Variants in GALNT13 observed in about 807,000 individuals in gnomAD.
The protein encoded by GALNT13 is UDP-GalNAc:polypeptide N-acetylgalactosaminyltransferase 13.
In GALNT13, 28 loss-of-function variants were observed where a neutral mutation model predicts 64.2. The ratio of observed to expected loss-of-function variants is 0.44; its 90% CI spans 0.32 to 0.60. GALNT13 has a LOEUF of 0.60. Among genes scored for constraint, GALNT13 ranks in the 20% least tolerant of loss-of-function variants. The pLI, the probability that GALNT13 is intolerant of heterozygous loss-of-function variation, is 0.05. For synonymous variants in GALNT13, 214 were observed against 224.6 expected (o/e 0.95, Z 0.42); for missense variants, 577 against 669.8 (o/e 0.86, Z 1.53).
chr2:154,075,288 T>C (rs539970989), intron 3 of GALNT13, among the ~76,000 whole-genome samples: 2 of 151,952 alleles, frequency 1.3e-5, no homozygotes, highest in East Asian at 3.9e-4. Flanking sequence ...AAAAAGATAC[T>C]GTCAAAACAA....
chr2:154,370,870 A>G (rs1479573396), intron 9 of GALNT13, among the ~76,000 whole-genome samples: 1 of 152,142 alleles, frequency 6.6e-6, no homozygotes. Context: ...AGTTTCCATT[A>G]AAACAAAAGA....
At chr2:154,366,611 A>G (rs1574170635) in intron 9 of GALNT13, among the ~76,000 whole-genome samples, 1 of 152,216 alleles carries the variant, frequency 6.6e-6, no homozygotes, top group Non-Finnish European at 1.5e-5. Flanking sequence ...TGTATTATAC[A>G]TGTCACGACT....
chr2:153,749,454 T>C, the GALNT13 span, among the ~76,000 whole-genome samples: 3 of 152,058 alleles, frequency 2.0e-5, no homozygotes, highest in Non-Finnish European at 4.4e-5. Flanking sequence ...CAATATTCAT[T>C]CTTCCAATCT....
At chr2:153,221,866 G>T in the GALNT13 span, among the ~76,000 whole-genome samples, 1 of 152,208 alleles carries the variant, frequency 6.6e-6, no homozygotes, top group African/African-American at 2.4e-5. Flanking sequence ...TGAAGGGAAT[G>T]CAGTGGCACC....
chr2:154,352,140 T>C (rs1696446139), intron 9 of GALNT13, among the ~76,000 whole-genome samples: 1 of 152,226 alleles, frequency 6.6e-6, no homozygotes, highest in Admixed American at 6.5e-5. Flanking sequence ...AAAAAATTAG[T>C]ATCCCTTTTA....
chr2:153,294,015 T>C, the GALNT13 span, among the ~76,000 whole-genome samples: 2 of 152,004 alleles, frequency 1.3e-5, no homozygotes, highest in African/African-American at 4.8e-5. Context: ...AGAGATGAGG[T>C]TTCACCATGT....
the GALNT13 span, among the ~76,000 whole-genome samples, chr2:153,861,559 C>CTTTTTTTTTTTTTTTTTTT: frequency 5.4e-4 from 64 of 118,162 alleles, no homozygotes; most frequent in East Asian, 4.5e-3. Flanking sequence ...TTCTTTCTTT[C>CTTTTTTTTTTTTTTTTTTT]TTTTTTTTTT....
At chr2:153,670,437 A>G in the GALNT13 span, among the ~76,000 whole-genome samples, 12 of 152,328 alleles carry the variant, frequency 7.9e-5, no homozygotes, top group African/African-American at 2.9e-4. Flanking sequence ...AGCAAACTCC[A>G]ACAGACCTGC....
At chr2:153,237,351 A>G in the GALNT13 span, among the ~76,000 whole-genome samples, 1 of 152,020 alleles carries the variant, frequency 6.6e-6, no homozygotes, top group Non-Finnish European at 1.5e-5. Context: ...GAAACAATCC[A>G]GTCATCTTTT....
At chr2:153,418,528 G>A in the GALNT13 span, among the ~76,000 whole-genome samples, 1 of 152,170 alleles carries the variant, frequency 6.6e-6, no homozygotes, top group Admixed American at 6.5e-5. Context: ...CAAGAAGGAA[G>A]TAGAATAATG....
At chr2:153,849,884 G>A in the GALNT13 span, among the ~76,000 whole-genome samples, 4 of 151,824 alleles carry the variant, frequency 2.6e-5, no homozygotes, top group Non-Finnish European at 5.9e-5. Context: ...AAGAAAGGCC[G>A]GGCGTGGTGG....
At chr2:153,243,981 A>C in the GALNT13 span, among the ~76,000 whole-genome samples, 1 of 151,966 alleles carries the variant, frequency 6.6e-6, no homozygotes, top group Admixed American at 6.5e-5. Flanking sequence ...TTTATTAAAA[A>C]CTAGCATTAT....
chr2:153,097,997 C>T, the GALNT13 span, among the ~76,000 whole-genome samples: 19 of 152,204 alleles, frequency 1.2e-4, no homozygotes, highest in African/African-American at 2.9e-4. Context: ...ACCCAGGAAG[C>T]GGAGATTGCA....
At chr2:153,482,719 C>T in the GALNT13 span, among the ~76,000 whole-genome samples, 1 of 151,926 alleles carries the variant, frequency 6.6e-6, no homozygotes, top group Non-Finnish European at 1.5e-5. Context: ...GATCAGCCTG[C>T]CTTGGCCTCC....
the GALNT13 span, among the ~76,000 whole-genome samples, chr2:153,696,675 T>G: frequency 6.6e-6 from 1 of 152,180 alleles, no homozygotes. Flanking sequence ...CTCTTCTCTA[T>G]CAATCAAAAT....
At chr2:153,286,169 A>G in the GALNT13 span, among the ~76,000 whole-genome samples, 3 of 152,184 alleles carry the variant, frequency 2.0e-5, no homozygotes, top group South Asian at 2.1e-4. Context: ...AACCCATTCA[A>G]CTGTATAAGG....
At chr2:153,634,894 ATTTTTT>A in the GALNT13 span, among the ~76,000 whole-genome samples, 1 of 146,754 alleles carries the variant, frequency 6.8e-6, no homozygotes, top group African/African-American at 2.5e-5. Context: ...ACTGCTATAG[ATTTTTT>A]TTTTTTAACT....
At chr2:154,215,080 G>A (rs1297333938) in intron 4 of GALNT13, among the ~76,000 whole-genome samples, 1 of 152,168 alleles carries the variant, frequency 6.6e-6, no homozygotes, top group African/African-American at 2.4e-5. Flanking sequence ...GAAGAGAAAA[G>A]TCAACATAGA....
the GALNT13 span, among the ~76,000 whole-genome samples, chr2:153,764,813 G>A: frequency 6.6e-6 from 1 of 152,196 alleles, no homozygotes; most frequent in Non-Finnish European, 1.5e-5. Flanking sequence ...GCTGTGTGCA[G>A]CCCAGGGACT....
Sources: allele counts gnomAD v4.1 joint callset (sites outside exome capture counted in the v4.1 genomes callset), GRCh38; gene constraint gnomAD v4.1.1; transcripts MANE v1.5; gene names NCBI Gene and HGNC (gene_info 2026-07-23, HGNC 2026-07-21).